The following NHSL1 variants were observed in gnomAD, a reference collection of about 807,000 sequenced individuals.
NHSL1 encodes the protein NHS-like protein 1.
Under a neutral mutation model 95.0 loss-of-function variants are expected in NHSL1, and 48 were observed. The observed-to-expected ratio is 0.51, with a 90% CI of 0.40 to 0.64. NHSL1 has a LOEUF of 0.64. Ranked by LOEUF, NHSL1 falls within the 30% of genes least tolerant of loss-of-function variation. NHSL1 has a pLI of 0.00. For synonymous variants in NHSL1, 783 were observed against 833.9 expected (o/e 0.94, Z 1.05); for missense variants, 1,971 against 2,077.7 (o/e 0.95, Z 1.00).
chr6:138,622,750 A>G (rs1361419843), intron 1 of NHSL1, among the ~76,000 whole-genome samples: 1 of 152,236 alleles, frequency 6.6e-6, no homozygotes, highest in African/African-American at 2.4e-5. Context: ...GTTGACAAAC[A>G]TCTATTGATT....
chr6:138,426,509 C>T (rs1775271652), intron 7 of NHSL1, among the ~76,000 whole-genome samples: 2 of 152,222 alleles, frequency 1.3e-5, no homozygotes, highest in Admixed American at 1.3e-4. Flanking sequence ...ATATAGGTCA[C>T]AGTTTGTCAG....
At chr6:138,589,010 C>T (rs1343199107) in intron 1 of NHSL1, among the ~76,000 whole-genome samples, 1 of 152,148 alleles carries the variant, frequency 6.6e-6, no homozygotes, top group Non-Finnish European at 1.5e-5. Context: ...CAGAACAACC[C>T]ATTCTCAAGA....
intron 1 of NHSL1, among the ~76,000 whole-genome samples, chr6:138,620,743 T>G (rs1784644493): frequency 6.6e-6 from 1 of 152,120 alleles, no homozygotes; most frequent in Non-Finnish European, 1.5e-5. Context: ...TAATAATACT[T>G]CTAACTGTGC....
chr6:138,423,815 C>CA lies in NHSL1; in HGVS notation c.*265dup, dbSNP rs56326954. ...GCACACATACACACCCAGCATTTAG[C>CA]AAAAAAAAAAAAAAAAAAAAAAAAT... On this transcript the variant is annotated 3_prime_UTR_variant, in exon 8 of 8. Transcript: ENST00000343505. 23,035 of 138,012 alleles carry CA rather than the reference C, an allele frequency of 0.17. 2,174 individuals are homozygous for CA. The highest frequency in any genetic ancestry group is 0.24 in the South Asian group (647 of 2,744). The allele number at this position is 138,012 out of a possible 1,614,324, so 8.5% of individuals were successfully genotyped here. A position where few individuals can be genotyped will look rare whatever the true frequency, so the allele number is the denominator to read the frequency against.
At chr6:138,440,315 C>T (rs1205801584) in intron 5 of NHSL1, among the ~76,000 whole-genome samples, 2 of 152,104 alleles carry the variant, frequency 1.3e-5, no homozygotes, top group Non-Finnish European at 2.9e-5. Flanking sequence ...AAGAATAAGG[C>T]ATAAACTGAG....
upstream of NHSL1, among the ~76,000 whole-genome samples, chr6:138,575,353 A>G (rs1278774560): frequency 6.6e-6 from 1 of 152,170 alleles, no homozygotes; most frequent in African/African-American, 2.4e-5. Context: ...CACTTCAAGG[A>G]AAGGGTTAAC....
chr6:138,475,074 G>A (rs538529224), intron 2 of NHSL1, among the ~76,000 whole-genome samples: 21 of 151,750 alleles, frequency 1.4e-4, no homozygotes, highest in South Asian at 2.1e-4. Context: ...GCTTGAACCC[G>A]GGAGGCAGAA....
chr6:138,545,890 G>A, upstream of NHSL1: 1 of 945,818 alleles, frequency 1.1e-6, no homozygotes, highest in Middle Eastern at 5.4e-4. Flanking sequence ...GGGGAAAGGA[G>A]CCAGGGGTTA....
intron 3 of NHSL1, among the ~76,000 whole-genome samples, chr6:138,459,312 C>T (rs73573243): frequency 0.037 from 5,655 of 152,206 alleles, 349 homozygotes; most frequent in African/African-American, 0.13. Flanking sequence ...AAGTTTCTTT[C>T]ATATAGATCT....
intron 1 of NHSL1, chr6:138,650,754 A>G (rs1181155460): frequency 1.8e-6 from 1 of 545,210 alleles, no homozygotes; most frequent in African/African-American, 1.9e-5. Context: ...CTCCTTCACA[A>G]CTTTCTTCAG....
In NHSL1 at chr6:138,433,323, A is replaced by C. The variant is rs1775842765; in HGVS notation, c.1022T>G (p.Leu341Arg). The change falls in exon 6 of 8, where the codon CTG (leucine) becomes CGG (arginine). Residue 341 changes from leucine (L) to arginine (R), a missense_variant. Leu to Arg is a moderately radical substitution (Grantham distance 102). Around this residue, in one of 3 missense-constraint regions of NHSL1, gnomAD observed 1,602 missense variants for 1,654.5 expected, o/e 0.97. Coordinates refer to ENST00000343505, the MANE Select transcript of NHSL1 (RefSeq NM_001144060.2). ...RANIQSLEPRLGALGPAGDMN... is the reference protein window; with the variant it reads ...RANIQSLEPRRGALGPAGDMN... The stretch of plus-strand genomic sequence containing the variant: ...GTCTCCTGCAGGGCCGAGGGCACCC[A>C]GCCTCGGCTCAAGGGACTGAATGTT... 1 of 1,551,616 alleles carries C rather than the reference A, an allele frequency of 6.4e-7. No individual in the cohort carries two copies. Among genetic ancestry groups the C allele is most frequent in the South Asian group, 1.2e-5 (1 of 84,054 alleles).
intron 1 of NHSL1, among the ~76,000 whole-genome samples, chr6:138,681,941 C>A (rs1485826569): frequency 2.0e-5 from 3 of 151,756 alleles, no homozygotes; most frequent in Non-Finnish European, 4.4e-5. Flanking sequence ...CAGGAATAAT[C>A]TAAAACCATT....
At chr6:138,562,109 C>T (rs777690498) in intron 1 of NHSL1, among the ~76,000 whole-genome samples, 5 of 152,132 alleles carry the variant, frequency 3.3e-5, no homozygotes, top group Admixed American at 2.6e-4. Flanking sequence ...CCCAGCCTCA[C>T]ACCACACACA....
In NHSL1 at chr6:138,507,842, C is replaced by T. The variant is rs533312148; in HGVS notation, c.17-11471G>A. On this transcript the variant is annotated intron_variant, in intron 1 of 4. Transcript: ENST00000342260. ...GAAAAAAAGACAAATGGAAATCTCT[C>T]TCTTCATCAATTATGGGGTTGGGGG... Among the ~76,000 whole-genome samples, 3 of 152,152 alleles carry T rather than the reference C, an allele frequency of 2.0e-5. No individual in the cohort carries two copies. The South Asian group carries it at 6.2e-4, about 32-fold the overall frequency.
chr6:138,598,203 A>G (rs1312239293), intron 1 of NHSL1, among the ~76,000 whole-genome samples: 1 of 152,078 alleles, frequency 6.6e-6, no homozygotes, highest in Non-Finnish European at 1.5e-5. Flanking sequence ...TCACGCCTGT[A>G]ATCCCAACAA....
intron 1 of NHSL1, among the ~76,000 whole-genome samples, chr6:138,531,714 A>G (rs1241325346): frequency 1.3e-5 from 2 of 151,922 alleles, no homozygotes; most frequent in East Asian, 3.9e-4. Context: ...GGGTTTTGCC[A>G]TGTTGCTTAG....
chr6:138,506,894 C>G (rs894120689), intron 1 of NHSL1, among the ~76,000 whole-genome samples: 1 of 152,120 alleles, frequency 6.6e-6, no homozygotes, highest in Non-Finnish European at 1.5e-5. Context: ...ATTGAGTGGA[C>G]TTATAAAGTT....
chr6:138,630,602 C>G (rs1319128672), intron 1 of NHSL1, among the ~76,000 whole-genome samples: 7 of 152,168 alleles, frequency 4.6e-5, no homozygotes, highest in African/African-American at 1.7e-4. Flanking sequence ...CCAAGCTGGT[C>G]TCGAACTCCC....
intron 1 of NHSL1, among the ~76,000 whole-genome samples, chr6:138,559,260 C>T (rs1017307477): frequency 1.3e-5 from 2 of 152,174 alleles, no homozygotes; most frequent in African/African-American, 4.8e-5. Context: ...CAGAAACTGG[C>T]CAGACATTGC....
Sources: gnomAD v4.1 joint callset for allele counts (sites outside exome capture counted in the v4.1 genomes callset) on GRCh38, gnomAD v4.1.1 for gene constraint, gnomAD v4.1.1 regional missense constraint, MANE v1.5 for transcripts, NCBI Gene and HGNC (gene_info 2026-07-23, HGNC 2026-07-21) for gene names.